SLC35E1: variants seen among roughly 807,000 people sequenced by gnomAD.
SLC35E1 encodes the protein solute carrier family 35, member E1.
SLC35E1 carries 12 observed loss-of-function variants against 31.0 expected under a neutral mutation model. That is an observed-to-expected ratio of 0.39 (90% CI 0.25 to 0.63). SLC35E1 has a LOEUF of 0.63. SLC35E1 is among the 20% of genes least tolerant of loss of function. The probability of loss-of-function intolerance (pLI) is 0.52; values close to 1 mark genes in which losing one functional copy is unlikely to be tolerated. For missense variants in SLC35E1, 429 were observed against 572.2 expected, an observed-to-expected ratio of 0.75 and a Z score of 2.55; for synonymous variants, 257 against 264.1, an observed-to-expected ratio of 0.97 and a Z score of 0.26.
At chr19:16,568,275 C>T in intron 2 of SLC35E1, 106 bp from the exon 3 acceptor site, 3 of 1,363,084 alleles carry the variant, frequency 2.2e-6, no homozygotes, top group Non-Finnish European at 2.9e-6. Context: ...CAAAGGGATA[C>T]CACCTAACAC....
rs2085871395 is a variant in SLC35E1 at position 16,555,483 on chromosome 19, G to A, written c.757-86C>T. The A allele has an allele frequency of 2.6e-6, 4 of 1,528,428 alleles. No individual in the cohort carries two copies. Among genetic ancestry groups the A allele is most frequent in the Non-Finnish European group, 3.5e-6 (4 of 1,138,172 alleles). 94.7% of individuals were successfully genotyped at this position (1,528,428 alleles called of 1,614,324 possible). A position where few individuals can be genotyped will look rare whatever the true frequency, so the allele number is the denominator to read the frequency against. ...TATCCACCTGGCAGGGTTAGGGGAA[G>A]GGATGTGGAGGGGCTCATCTGGAGC... is the stretch of plus-strand genomic sequence containing the variant. On this transcript the variant is annotated intron_variant, in intron 4 of 5. Transcript: ENST00000595753. The surrounding 1 kb of genome is among the most constrained non-coding windows in gnomAD (Gnocchi z 4.1).
chr19:16,568,803 A>G (rs544390260), intron 2 of SLC35E1, among the ~76,000 whole-genome samples: 100 of 152,138 alleles, frequency 6.6e-4, no homozygotes, highest in African/African-American at 2.3e-3. Context: ...AAGTACTGGG[A>G]TTACAGGTGT....
At chr19:16,563,238 T>C (rs935019257) in intron 4 of SLC35E1, among the ~76,000 whole-genome samples, 5 of 151,842 alleles carry the variant, frequency 3.3e-5, no homozygotes, top group African/African-American at 1.2e-4. Context: ...GCAGGAGAAC[T>C]GCTTGAATCC....
Position 16,553,818 on chromosome 19 carries a change from A to G in SLC35E1, c.1094T>C (p.Leu365Pro), listed in dbSNP as rs773984481. 14 of 1,614,048 alleles carry G rather than the reference A, an allele frequency of 8.7e-6. No homozygotes were observed. The East Asian group carries it at 3.1e-4, about 36-fold the overall frequency. Residue 365 changes from leucine (L) to proline (P), a missense_variant, in exon 6 of 6, where the codon CTG (leucine) becomes CCG (proline). Transcript: ENST00000595753. ...GAGGAGGCCGTTGTGGGGCTTCTCC[A>G]GTGGGCTCCGGTGACGCTCCTTGCT... The part of the protein sequence containing the change: ...LSSKERHRSP[L>P]EKPHNGLLFP...
chr19:16,551,451 A>G lies in SLC35E1; in HGVS notation c.*2228T>C, dbSNP rs1300409819. ...ACAACAAAAGAAACACCAGTCAAGC[A>G]TAAGTGATGTTACTTCCTCTCTGAA... On this transcript the variant is annotated 3_prime_UTR_variant, in exon 6 of 6. Transcript: ENST00000595753. 1.3e-5 allele frequency: 2 copies of G among 152,184 alleles called. No individual in the cohort carries two copies. The highest frequency in any genetic ancestry group is 6.6e-5 in the Admixed American group (1 of 15,264). 9.4% of individuals were successfully genotyped at this position (152,184 alleles called of 1,614,324 possible). A position where few individuals can be genotyped will look rare whatever the true frequency, so the allele number is the denominator to read the frequency against.
At chr19:16,571,294 G>C (rs1455309103) in intron 2 of SLC35E1, among the ~76,000 whole-genome samples, 1 of 152,112 alleles carries the variant, frequency 6.6e-6, no homozygotes, top group African/African-American at 2.4e-5. Flanking sequence ...AGACCACACA[G>C]CAGAGATCAC....
intron 5 of SLC35E1, among the ~76,000 whole-genome samples, chr19:16,554,947 C>G (rs188935450): frequency 1.3e-5 from 2 of 152,210 alleles, no homozygotes; most frequent in African/African-American, 4.8e-5. Context: ...TGAGACACAG[C>G]CGGAATGATT....
At position 16,553,591 on chromosome 19, in the gene SLC35E1, T is replaced by C. The variant is rs2085856954; in HGVS notation, c.*88A>G. On this transcript the variant is annotated 3_prime_UTR_variant, in exon 6 of 6. Coordinates refer to ENST00000595753, the MANE Select transcript of SLC35E1 (RefSeq NM_024881.5). ...TTATGCACCGTCCCCTCGGCTGGGT[T>C]GTACATTCACTGATTGTCAGAAGTT... 6 of 1,251,974 alleles carry C rather than the reference T, an allele frequency of 4.8e-6. No individual in the cohort carries two copies. The highest frequency in any genetic ancestry group is 6.5e-6 in the Non-Finnish European group (6 of 921,434). 77.6% of individuals were successfully genotyped at this position (1,251,974 alleles called of 1,614,324 possible). A position where few individuals can be genotyped will look rare whatever the true frequency, so the allele number is the denominator to read the frequency against.
chr19:16,552,175 C>T lies in SLC35E1; in HGVS notation c.*1504G>A, dbSNP rs995168105. On this transcript the variant is annotated 3_prime_UTR_variant, in exon 6 of 6. Transcript: ENST00000595753. The stretch of plus-strand genomic sequence containing the variant: ...ACAAAAACAGGTCAGGGAACCAAAA[C>T]ACTGTGGTCTTGTCTATTATACAAA... 5.9e-5 allele frequency: 9 copies of T among 152,144 alleles called. No individual in the cohort carries two copies. Among genetic ancestry groups the T allele is most frequent in the African/African-American group, 2.2e-4 (9 of 41,426 alleles). The allele number at this position is 152,144 out of a possible 1,614,324, so 9.4% of individuals were successfully genotyped here.
chr19:16,554,508 A>G (rs943992693), intron 5 of SLC35E1, among the ~76,000 whole-genome samples: 4 of 152,010 alleles, frequency 2.6e-5, no homozygotes, highest in African/African-American at 4.8e-5. Flanking sequence ...GAGAGACCCC[A>G]TATCTACATG....
chr19:16,568,753 G>C (rs1040378122), intron 2 of SLC35E1, among the ~76,000 whole-genome samples: 1 of 152,158 alleles, frequency 6.6e-6, no homozygotes, highest in Non-Finnish European at 1.5e-5. Flanking sequence ...GGCTAGTCTT[G>C]AACGCCTGAT....
rs1568276058 is a variant in SLC35E1, at chr19:16,571,906, GC to G, written c.421+37del. On this transcript the variant is annotated intron_variant, in intron 1 of 5. Transcript: ENST00000595753. Reference sequence around the variant, plus strand: ...CATGCGCCCAAACCCGAAGCGGCGGGCCCGGCCGCCGCCCCCGAGGCCGGGC... The same window carrying G: ...CATGCGCCCAAACCCGAAGCGGCGGGCCGGCCGCCGCCCCCGAGGCCGGGC... The G allele has an allele frequency of 2.2e-5, 34 of 1,523,260 alleles. No individual in the cohort carries two copies. The East Asian group carries it at 8.4e-4, about 38-fold the overall frequency. 94.4% of individuals were successfully genotyped at this position (1,523,260 alleles called of 1,614,324 possible).
intron 4 of SLC35E1, among the ~76,000 whole-genome samples, chr19:16,557,899 C>T (rs539591364): frequency 1.5e-4 from 23 of 151,998 alleles, no homozygotes; most frequent in African/African-American, 4.1e-4. Flanking sequence ...CAGTAAGCTC[C>T]GCCTCCTGGG....
chr19:16,561,813 C>T (rs1372946132), intron 4 of SLC35E1, among the ~76,000 whole-genome samples: 2 of 152,192 alleles, frequency 1.3e-5, no homozygotes, highest in South Asian at 2.1e-4. Context: ...CATGTGGGAA[C>T]CCCATCTTCA....
At chr19:16,567,104 G>T (rs906739479) in intron 3 of SLC35E1, among the ~76,000 whole-genome samples, 4 of 152,180 alleles carry the variant, frequency 2.6e-5, no homozygotes, top group African/African-American at 7.2e-5. Flanking sequence ...ATGAAAAGTT[G>T]GAAATAAGTG....
At chr19:16,561,206 T>C (rs182902751) in intron 4 of SLC35E1, among the ~76,000 whole-genome samples, 2,231 of 50,276 alleles carry the variant, frequency 0.044, 37 homozygotes, top group Non-Finnish European at 0.056. Flanking sequence ...AGATCAAGAC[T>C]CCATCTCAAA....
rs76766326 is a variant in SLC35E1, at chr19:16,562,022, C to T, written c.756+4510G>A. Among the ~76,000 whole-genome samples, 229 of 150,478 alleles carry T rather than the reference C, an allele frequency of 1.5e-3. No individual in the cohort carries two copies. The East Asian group carries it at 0.038, about 25-fold the overall frequency. On this transcript the variant is annotated intron_variant, in intron 4 of 5. Transcript: ENST00000595753. ...AGGCAACAGTGGGAGACAGTCTCTACGAAAAAAAAGAACCAACCAAACAAA... is the reference window on the plus strand; with the variant it reads ...AGGCAACAGTGGGAGACAGTCTCTATGAAAAAAAAGAACCAACCAAACAAA...
intron 4 of SLC35E1, among the ~76,000 whole-genome samples, chr19:16,559,738 G>A (rs1304982726): frequency 6.6e-6 from 1 of 152,114 alleles, no homozygotes; most frequent in Non-Finnish European, 1.5e-5. Context: ...TTTGCTCCTT[G>A]GAGCACGATG....
In SLC35E1 at chr19:16,557,256, C is replaced by T. The variant is rs190148393; in HGVS notation, c.757-1859G>A. On this transcript the variant is annotated intron_variant, in intron 4 of 5. Coordinates refer to ENST00000595753, the MANE Select transcript of SLC35E1 (RefSeq NM_024881.5). ...TCGCCCAGGCTGGAGTGCAGTGGCG[C>T]GATCTCTGCTCACTGCAAGCTCCGC... The T allele has an allele frequency of 3.7e-4, 102 of 273,988 alleles. 1 individual carries two copies. Among genetic ancestry groups the T allele is most frequent in the African/African-American group, 1.9e-3 (86 of 44,442 alleles). 17.0% of individuals were successfully genotyped at this position (273,988 alleles called of 1,614,324 possible).
Sources: allele counts gnomAD v4.1 joint callset (sites outside exome capture counted in the v4.1 genomes callset), GRCh38; gene constraint gnomAD v4.1.1; non-coding constraint Gnocchi (gnomAD v3.1); transcripts MANE v1.5; gene names NCBI Gene and HGNC (gene_info 2026-07-23, HGNC 2026-07-21).